PPP1R37: variants seen among roughly 807,000 people sequenced by gnomAD.
PPP1R37 encodes the protein protein phosphatase 1 regulatory subunit 37.
Under a neutral mutation model 61.0 loss-of-function variants are expected in PPP1R37, and 21 were observed. The observed-to-expected ratio is 0.34, with a 90% CI of 0.24 to 0.50. The LOEUF is 0.50. Ranked by LOEUF, PPP1R37 falls within the 20% of genes least tolerant of loss-of-function variation. The pLI, the probability that PPP1R37 is intolerant of heterozygous loss-of-function variation, is 0.98. For synonymous variants in PPP1R37, 443 were observed against 433.5 expected (o/e 1.02, Z -0.27); for missense variants, 910 against 952.7 (o/e 0.96, Z 0.59).
At position 45,132,441 on chromosome 19, in the gene PPP1R37, G is replaced by A. The variant is rs189051424; in HGVS notation, c.203-6073G>A. On this transcript the variant is annotated intron_variant, in intron 1 of 12. Coordinates refer to ENST00000221462, the MANE Select transcript of PPP1R37 (RefSeq NM_019121.2). Reference sequence around the variant, plus strand: ...CCATCTCAGCCTCCCAAGTCACTGCGACCACAGGCATGTGCTAATTTTTGT... The same window carrying A: ...CCATCTCAGCCTCCCAAGTCACTGCAACCACAGGCATGTGCTAATTTTTGT... Among the ~76,000 whole-genome samples the A allele has an allele frequency of 1.3e-3, 204 of 152,068 alleles. 2 individuals are homozygous for A. The highest frequency in any genetic ancestry group is 4.6e-3 in the African/African-American group (191 of 41,464).
chr19:45,119,671 C>T (rs1180759395), intron 1 of PPP1R37, among the ~76,000 whole-genome samples: 5 of 152,228 alleles, frequency 3.3e-5, no homozygotes, highest in African/African-American at 1.2e-4. Context: ...GAACACTCAG[C>T]CCCAAGCCGG....
chr19:45,127,704 C>T (rs1039036655), intron 1 of PPP1R37, among the ~76,000 whole-genome samples: 2 of 151,898 alleles, frequency 1.3e-5, no homozygotes, highest in East Asian at 1.9e-4. Flanking sequence ...GGGCCGGGCG[C>T]GGTGGCTCAC....
At chr19:45,135,295 T>C (rs1256367437) in intron 1 of PPP1R37, among the ~76,000 whole-genome samples, 2 of 152,056 alleles carry the variant, frequency 1.3e-5, no homozygotes, top group African/African-American at 4.8e-5. Flanking sequence ...CGGCTGCCAT[T>C]GTGTCAGGGG....
intron 7 of PPP1R37, 199 bp from the exon 8 acceptor site, chr19:45,143,322 C>T: frequency 1.9e-6 from 1 of 531,494 alleles, no homozygotes; most frequent in South Asian, 2.2e-5. Context: ...CTGGTGGAGG[C>T]TGTCATCCAG....
intron 8 of PPP1R37, chr19:45,144,483 A>T: frequency 4.3e-6 from 1 of 231,200 alleles, no homozygotes; most frequent in Non-Finnish European, 8.3e-6. Flanking sequence ...CAAGCCACTC[A>T]GGTACAGAGA....
intron 1 of PPP1R37, among the ~76,000 whole-genome samples, chr19:45,108,497 T>C (rs1304644589): frequency 6.6e-6 from 1 of 152,038 alleles, no homozygotes; most frequent in Non-Finnish European, 1.5e-5. Context: ...CGTGAGTCAC[T>C]GCACCTGACC....
intron 1 of PPP1R37, among the ~76,000 whole-genome samples, chr19:45,102,404 A>T (rs1968075757): frequency 6.6e-6 from 1 of 152,146 alleles, no homozygotes; most frequent in African/African-American, 2.4e-5. Context: ...TGGGCAAATC[A>T]CCCAGCTTCT....
At chr19:45,108,191 C>T (rs971174380) in intron 1 of PPP1R37, among the ~76,000 whole-genome samples, 1 of 152,104 alleles carries the variant, frequency 6.6e-6, no homozygotes, top group African/African-American at 2.4e-5. Context: ...GAGGGTCTCT[C>T]TCTTTTTTTC....
intron 7 of PPP1R37, chr19:45,143,277 A>G: frequency 2.2e-6 from 1 of 446,690 alleles, no homozygotes; most frequent in Non-Finnish European, 4.1e-6. Context: ...GAGGTGGGCC[A>G]GAGGTGGTCA....
chr19:45,140,404 G>A (rs1968594844), intron 3 of PPP1R37, 102 bp from the exon 4 acceptor site: 3 of 1,287,600 alleles, frequency 2.3e-6, no homozygotes, highest in Non-Finnish European at 3.2e-6. Flanking sequence ...CCAGGGCAGG[G>A]GCTGGGCCTG....
intron 1 of PPP1R37, chr19:45,128,923 C>G: frequency 1.4e-6 from 1 of 728,648 alleles, no homozygotes; most frequent in Non-Finnish European, 2.5e-6. Flanking sequence ...CAGAGGAGAC[C>G]TTGGCAAGGA....
At chr19:45,135,538 G>A (rs895949878) in intron 1 of PPP1R37, among the ~76,000 whole-genome samples, 6 of 152,234 alleles carry the variant, frequency 3.9e-5, no homozygotes, top group Admixed American at 2.0e-4. Context: ...GCTTGAGGAA[G>A]CTGAAATGTG....
intron 1 of PPP1R37, among the ~76,000 whole-genome samples, chr19:45,117,853 C>T (rs529078703): frequency 6.6e-6 from 1 of 152,230 alleles, no homozygotes; most frequent in Admixed American, 6.5e-5. Flanking sequence ...AGTGCTCGTC[C>T]TTGGCATTGT....
intron 1 of PPP1R37, among the ~76,000 whole-genome samples, chr19:45,113,401 C>T (rs963070928): frequency 6.6e-6 from 1 of 152,220 alleles, no homozygotes; most frequent in African/African-American, 2.4e-5. Flanking sequence ...CTGGTTTTAT[C>T]CCATCCATAT....
chr19:45,130,768 G>A lies in PPP1R37; in HGVS notation c.203-7746G>A, dbSNP rs74936783. ...TGCTCTGTGAACCTGGCTCGCAGAC[G>A]TCCCGATTTCATGTGGTGGACACTG... On this transcript the variant is annotated intron_variant, in intron 1 of 12. Coordinates refer to ENST00000221462, the MANE Select transcript of PPP1R37 (RefSeq NM_019121.2). This position sits in a 1 kb window ranked among gnomAD's most constrained non-coding sequence, Gnocchi z 4.4. Among the ~76,000 whole-genome samples the A allele has an allele frequency of 0.013, 1,920 of 152,276 alleles. 43 individuals carry two copies. Among genetic ancestry groups the A allele is most frequent in the African/African-American group, 0.043 (1,803 of 41,548 alleles).
At chr19:45,135,779 CTTTTTTT>C (rs546534256) in intron 1 of PPP1R37, among the ~76,000 whole-genome samples, 2 of 128,840 alleles carry the variant, frequency 1.6e-5, no homozygotes, top group African/African-American at 3.0e-5. Context: ...TTTGCATTTC[CTTTTTTT>C]TTTTTTTTTT....
intron 1 of PPP1R37, among the ~76,000 whole-genome samples, chr19:45,135,663 A>C (rs981667420): frequency 9.2e-5 from 14 of 151,720 alleles, no homozygotes; most frequent in African/African-American, 3.4e-4. Context: ...TGCTTCACAG[A>C]GTCGATGCGT....
At chr19:45,124,561 C>T (rs536524939) in intron 1 of PPP1R37, among the ~76,000 whole-genome samples, 91 of 152,232 alleles carry the variant, frequency 6.0e-4, no homozygotes, top group African/African-American at 2.0e-3. Flanking sequence ...CTCGCTCTCA[C>T]GCATCATCTG....
chr19:45,135,779 CT>C (rs546534256), intron 1 of PPP1R37, among the ~76,000 whole-genome samples: 15,132 of 128,712 alleles, frequency 0.12, 627 homozygotes, highest in Non-Finnish European at 0.13. Context: ...TTTGCATTTC[CT>C]TTTTTTTTTT....
Sources: allele counts gnomAD v4.1 joint callset (sites outside exome capture counted in the v4.1 genomes callset), GRCh38; gene constraint gnomAD v4.1.1; non-coding constraint Gnocchi (gnomAD v3.1); transcripts MANE v1.5; gene names NCBI Gene and HGNC (gene_info 2026-07-23, HGNC 2026-07-21).